Variants in PSD3 observed in about 807,000 individuals in gnomAD.
PSD3 encodes the protein PH and SEC7 domain-containing protein 3.
PSD3 carries 49 observed loss-of-function variants against 105.5 expected under a neutral mutation model. The observed-to-expected ratio is 0.46, with a 90% CI of 0.37 to 0.59. The LOEUF is 0.59. Among genes scored for constraint, PSD3 ranks in the 20% least tolerant of loss-of-function variants. PSD3 has a pLI of 0.00. For missense variants in PSD3, 1,561 were observed against 1,263.8 expected, an observed-to-expected ratio of 1.24 and a Z score of -3.57; for synonymous variants, 557 against 457.8, an observed-to-expected ratio of 1.22 and a Z score of -2.77.
chr8:18,606,918 C>A (rs923025978), intron 11 of PSD3, among the ~76,000 whole-genome samples: 77 of 152,148 alleles, frequency 5.1e-4, no homozygotes, highest in Middle Eastern at 6.8e-3. Context: ...TATTTTATGC[C>A]CCCATTATTA....
chr8:19,032,235 C>T (rs934189541), intron 1 of PSD3, among the ~76,000 whole-genome samples: 3 of 147,566 alleles, frequency 2.0e-5, no homozygotes, highest in Non-Finnish European at 4.5e-5. Context: ...AAAAGTTCAA[C>T]AGTTCATCCA....
chr8:19,077,240 T>A (rs1206393250), intron 1 of PSD3, among the ~76,000 whole-genome samples: 1 of 152,196 alleles, frequency 6.6e-6, no homozygotes, highest in Non-Finnish European at 1.5e-5. Context: ...AAAATGAGAT[T>A]TTCCAATGAT....
At chr8:19,084,392 G>T (rs1358593920) in exon 1 of PSD3, 1 of 456,280 alleles carries the variant, frequency 2.2e-6, no homozygotes, top group South Asian at 1.5e-5. Flanking sequence ...CATCTGCAGC[G>T]TGGACCAGGA....
At chr8:18,660,170 A>G (rs1362799446) in intron 9 of PSD3, among the ~76,000 whole-genome samples, 5 of 152,162 alleles carry the variant, frequency 3.3e-5, no homozygotes, top group African/African-American at 1.2e-4. Context: ...AAATGCAATC[A>G]CAAGTGTCTT....
chr8:18,737,846 A>G (rs1427392632), intron 9 of PSD3, among the ~76,000 whole-genome samples: 1 of 152,136 alleles, frequency 6.6e-6, no homozygotes, highest in Non-Finnish European at 1.5e-5. Flanking sequence ...TCTAACTTTG[A>G]TTTTGACCTA....
At chr8:18,627,137 A>G (rs562172925) in intron 11 of PSD3, among the ~76,000 whole-genome samples, 1 of 152,222 alleles carries the variant, frequency 6.6e-6, no homozygotes, top group Non-Finnish European at 1.5e-5. Context: ...TTCTGAAGAG[A>G]AAGAAACAAA....
chr8:18,996,145 C>T (rs970650867), intron 1 of PSD3, among the ~76,000 whole-genome samples: 3 of 152,034 alleles, frequency 2.0e-5, no homozygotes, highest in Non-Finnish European at 2.9e-5. Context: ...ATCTGTTGCC[C>T]TGTGGTTGCT....
intron 4 of PSD3, among the ~76,000 whole-genome samples, chr8:18,805,401 T>C (rs763671889): frequency 2.0e-5 from 3 of 152,232 alleles, no homozygotes; most frequent in East Asian, 1.9e-4. Context: ...AGTAACAATA[T>C]ATTATTTTGG....
At chr8:18,698,744 TA>T (rs1169162216) in intron 9 of PSD3, among the ~76,000 whole-genome samples, 19 of 152,178 alleles carry the variant, frequency 1.2e-4, no homozygotes, top group Non-Finnish European at 1.5e-5. Context: ...TCCAAGATGG[TA>T]TATCTATGTG....
intron 2 of PSD3, among the ~76,000 whole-genome samples, chr8:18,924,268 A>C (rs941031546): frequency 2.0e-5 from 3 of 152,244 alleles, no homozygotes; most frequent in Non-Finnish European, 4.4e-5. Flanking sequence ...GCTGTGGTAC[A>C]GCTAAAATAA....
intron 2 of PSD3, among the ~76,000 whole-genome samples, chr8:18,906,222 A>C (rs1395520692): frequency 2.0e-5 from 3 of 152,198 alleles, no homozygotes; most frequent in Non-Finnish European, 4.4e-5. Flanking sequence ...TTTTCATCAA[A>C]TATCTGGGTG....
At chr8:18,750,934 A>G (rs922655983) in intron 9 of PSD3, among the ~76,000 whole-genome samples, 7 of 152,160 alleles carry the variant, frequency 4.6e-5, no homozygotes, top group African/African-American at 1.7e-4. Flanking sequence ...GTTAGACATA[A>G]AGACTCTCCA....
At chr8:18,897,242 G>A (rs780271384) in intron 2 of PSD3, among the ~76,000 whole-genome samples, 15 of 152,104 alleles carry the variant, frequency 9.9e-5, no homozygotes, top group Non-Finnish European at 1.0e-4. Flanking sequence ...CTTTTGAGAC[G>A]TGATGTGTCT....
chr8:19,043,704 G>T (rs1157713699), intron 1 of PSD3, among the ~76,000 whole-genome samples: 1 of 152,126 alleles, frequency 6.6e-6, no homozygotes, highest in Admixed American at 6.6e-5. Context: ...TTAATAAAAG[G>T]GCTTTTGAGA....
At chr8:19,084,521 A>G in exon 1 of PSD3, 1 of 419,072 alleles carries the variant, frequency 2.4e-6, no homozygotes, top group Non-Finnish European at 4.8e-6. Context: ...TGCTGCTTTC[A>G]TCACTCATGA....
Position 18,594,254 on chromosome 8 carries a change from T to TATATA in PSD3, c.2481+6109_2481+6110insTATAT, listed in dbSNP as rs1563358739. ...ATAATATATATTATTATATATATTA[T>TATATA]ATAATATATATTATTATATATATTA... is the stretch of plus-strand genomic sequence containing the variant. On this transcript the variant is annotated intron_variant, in intron 12 of 15. Transcript: ENST00000327040. Among the ~76,000 whole-genome samples, 78 of 19,260 alleles carry TATATA rather than the reference T, an allele frequency of 4.0e-3. 14 individuals carry two copies. Among genetic ancestry groups the TATATA allele is most frequent in the African/African-American group, 0.014 (78 of 5,636 alleles). 12.6% of individuals were successfully genotyped at this position (19,260 alleles called of 152,430 possible). A position where few individuals can be genotyped will look rare whatever the true frequency, so the allele number is the denominator to read the frequency against.
chr8:18,676,572 C>T (rs1800074598), intron 9 of PSD3, among the ~76,000 whole-genome samples: 1 of 152,156 alleles, frequency 6.6e-6, no homozygotes, highest in South Asian at 2.1e-4. Context: ...TGTGGAGTGT[C>T]CTATCCTGAG....
chr8:19,018,359 T>A (rs994325017), upstream of PSD3, among the ~76,000 whole-genome samples: 37 of 149,800 alleles, frequency 2.5e-4, no homozygotes, highest in African/African-American at 3.9e-4. Context: ...ATGCTCTTTT[T>A]AAAAAAAAAA....
intron 1 of PSD3, chr8:19,002,055 G>C (rs770706478): frequency 6.5e-6 from 1 of 153,594 alleles, no homozygotes; most frequent in Non-Finnish European, 1.4e-5. Flanking sequence ...CTAGCAGCTT[G>C]GTGCAAACAT....
Sources: gnomAD v4.1 joint callset for allele counts (sites outside exome capture counted in the v4.1 genomes callset) on GRCh38, gnomAD v4.1.1 for gene constraint, MANE v1.5 for transcripts, NCBI Gene and HGNC (gene_info 2026-07-23, HGNC 2026-07-21) for gene names.